ZNF804A: variants seen among roughly 807,000 people sequenced by gnomAD.
ZNF804A encodes the protein zinc finger protein 804A.
In ZNF804A, 2 loss-of-function variants were observed where a neutral mutation model predicts 16.5. The observed-to-expected ratio is 0.12, with a 90% CI of 0.05 to 0.38. ZNF804A has a LOEUF of 0.38. Ranked by LOEUF, ZNF804A falls within the 10% of genes least tolerant of loss-of-function variation. The pLI, the probability that ZNF804A is intolerant of heterozygous loss-of-function variation, is 0.99. For missense variants in ZNF804A, 1,473 were observed against 1,390.7 expected (o/e 1.06, Z -0.94); for synonymous variants, 534 against 489.6 (o/e 1.09, Z -1.20).
intron 1 of ZNF804A, among the ~76,000 whole-genome samples, chr2:184,779,138 T>G (rs1341548105): frequency 1.3e-5 from 2 of 151,656 alleles, no homozygotes; most frequent in East Asian, 3.9e-4. Context: ...ACTCTTGTGG[T>G]TCTGAGGTCA....
intron 2 of ZNF804A, among the ~76,000 whole-genome samples, chr2:184,891,517 GA>G (rs1451785054): frequency 1.4e-4 from 21 of 152,188 alleles, no homozygotes; most frequent in Non-Finnish European, 1.5e-5. Flanking sequence ...GAGTAAAAAA[GA>G]AAAACTCAAC....
rs570071435 is a variant in ZNF804A at position 184,662,122 on chromosome 2, T to A, written c.111+63052T>A. On this transcript the variant is annotated intron_variant, in intron 1 of 3. Coordinates refer to ENST00000302277, the MANE Select transcript of ZNF804A (RefSeq NM_194250.2). ...TTTGCTCTTTTGTTAAGTACTCTTT[T>A]TAAATGGCTTACCAAAAATCCAGGG... 5.3e-5 allele frequency among the ~76,000 whole-genome samples: 8 copies of A among 152,336 alleles called. No homozygotes were observed. In the East Asian group the frequency reaches 1.5e-3, roughly 29 times the overall value.
At chr2:184,892,630 C>G (rs1325838522) in intron 2 of ZNF804A, among the ~76,000 whole-genome samples, 1 of 151,738 alleles carries the variant, frequency 6.6e-6, no homozygotes, top group South Asian at 2.1e-4. Flanking sequence ...ATTACAGGCA[C>G]GCGCCACCAT....
At chr2:184,909,075 A>C (rs1322382036) in intron 2 of ZNF804A, among the ~76,000 whole-genome samples, 3 of 152,090 alleles carry the variant, frequency 2.0e-5, no homozygotes, top group African/African-American at 7.2e-5. Context: ...CAAACTCATA[A>C]GCTGATTAAG....
At chr2:184,743,023 G>A (rs1330737023) in intron 1 of ZNF804A, among the ~76,000 whole-genome samples, 1 of 151,768 alleles carries the variant, frequency 6.6e-6, no homozygotes, top group African/African-American at 2.4e-5. Flanking sequence ...GAAAATTTCT[G>A]GTATATATAT....
chr2:184,875,862 G>A (rs1368727376), intron 2 of ZNF804A, among the ~76,000 whole-genome samples: 2 of 151,584 alleles, frequency 1.3e-5, no homozygotes, highest in African/African-American at 2.4e-5. Context: ...AGCCACAGTT[G>A]CGTCTGTCCT....
intron 1 of ZNF804A, among the ~76,000 whole-genome samples, chr2:184,630,908 A>G (rs1375043198): frequency 6.6e-6 from 1 of 152,182 alleles, no homozygotes; most frequent in Non-Finnish European, 1.5e-5. Context: ...AAATTGATTA[A>G]AAACTTGAAA....
chr2:184,686,505 T>C lies in ZNF804A; in HGVS notation c.111+87435T>C, dbSNP rs79576835. Among the ~76,000 whole-genome samples the C allele has an allele frequency of 5.3e-5, 8 of 152,346 alleles. No homozygotes were observed. In the East Asian group the frequency reaches 1.5e-3, roughly 29 times the overall value. ...ATTGTGGCTAGCACAACAGTGAACA[T>C]ATGAGTTCATGTGTCTTTTTGGTAG... On this transcript the variant is annotated intron_variant, in intron 1 of 3. Transcript: ENST00000302277.
chr2:184,887,787 T>C (rs1055938657), intron 2 of ZNF804A, among the ~76,000 whole-genome samples: 1 of 152,162 alleles, frequency 6.6e-6, no homozygotes, highest in Non-Finnish European at 1.5e-5. Context: ...ATGGGAATTC[T>C]GGGAGATACA....
At position 184,662,534 on chromosome 2, in the gene ZNF804A, C is replaced by T. The variant is rs544811224; in HGVS notation, c.111+63464C>T. Among the ~76,000 whole-genome samples the T allele has an allele frequency of 2.6e-5, 4 of 152,274 alleles. No homozygotes were observed. The East Asian group carries it at 7.7e-4, about 29-fold the overall frequency. On this transcript the variant is annotated intron_variant, in intron 1 of 3. Coordinates refer to ENST00000302277, the MANE Select transcript of ZNF804A (RefSeq NM_194250.2). ...ACTTTGAAATATTTGAATGGTGTCT[C>T]AGTGAGTATTTGCTTATTACTTATC...
At chr2:184,747,962 T>C (rs1693818171) in intron 1 of ZNF804A, among the ~76,000 whole-genome samples, 1 of 151,580 alleles carries the variant, frequency 6.6e-6, no homozygotes, top group African/African-American at 2.4e-5. Flanking sequence ...GCTCCATCCA[T>C]GTTACTGCAA....
chr2:184,641,548 A>G (rs971837184), intron 1 of ZNF804A, among the ~76,000 whole-genome samples: 1 of 152,232 alleles, frequency 6.6e-6, no homozygotes, highest in Non-Finnish European at 1.5e-5. Flanking sequence ...ACATTTTATC[A>G]TATTTAAATC....
chr2:184,722,355 C>A (rs780142673), intron 1 of ZNF804A, among the ~76,000 whole-genome samples: 1 of 151,740 alleles, frequency 6.6e-6, no homozygotes. Flanking sequence ...TGGTGTACAT[C>A]GAAATTTTAC....
In ZNF804A at chr2:184,750,514, GAGAT is replaced by G. The variant is rs1559141327; in HGVS notation, c.112-115853_112-115850del. Among the ~76,000 whole-genome samples, 7 of 151,240 alleles carry G rather than the reference GAGAT, an allele frequency of 4.6e-5. No individual in the cohort carries two copies. The South Asian group carries it at 1.2e-3, about 27-fold the overall frequency. Reference sequence around the variant, plus strand: ...TAATCGTTTTTTAAATCACTTTATTGAGATATGTTTGGGATACAAAAATTGCACA... The same window carrying G: ...TAATCGTTTTTTAAATCACTTTATTGATGTTTGGGATACAAAAATTGCACA... On this transcript the variant is annotated intron_variant, in intron 1 of 3. Transcript: ENST00000302277.
chr2:184,654,879 T>C (rs1021386523), intron 1 of ZNF804A, among the ~76,000 whole-genome samples: 3 of 152,160 alleles, frequency 2.0e-5, no homozygotes, highest in African/African-American at 4.8e-5. Context: ...TAAGGATCTA[T>C]CATAAAGTAC....
At chr2:184,906,746 C>G (rs1270399854) in intron 2 of ZNF804A, among the ~76,000 whole-genome samples, 1 of 152,136 alleles carries the variant, frequency 6.6e-6, no homozygotes, top group African/African-American at 2.4e-5. Flanking sequence ...TTTTGCGATA[C>G]AATTAAGATC....
At chr2:184,628,357 A>C (rs1296969873) in intron 1 of ZNF804A, among the ~76,000 whole-genome samples, 1 of 152,082 alleles carries the variant, frequency 6.6e-6, no homozygotes, top group Non-Finnish European at 1.5e-5. Context: ...ACAAAATTTT[A>C]AGGCTGATCT....
intron 1 of ZNF804A, among the ~76,000 whole-genome samples, chr2:184,753,690 T>C (rs1693910590): frequency 6.6e-6 from 1 of 150,810 alleles, no homozygotes. Flanking sequence ...CTTTGAACAC[T>C]CTTTCTAAAT....
intron 1 of ZNF804A, among the ~76,000 whole-genome samples, chr2:184,702,715 C>T (rs1692940803): frequency 6.6e-6 from 1 of 152,170 alleles, no homozygotes; most frequent in Middle Eastern, 3.4e-3. Flanking sequence ...CAATAGCACA[C>T]TGAATGGAGA....
Sources: gnomAD v4.1 joint callset for allele counts (sites outside exome capture counted in the v4.1 genomes callset) on GRCh38, gnomAD v4.1.1 for gene constraint, MANE v1.5 for transcripts, NCBI Gene and HGNC (gene_info 2026-07-23, HGNC 2026-07-21) for gene names.